KCNK12: variants seen among roughly 807,000 people sequenced by gnomAD.
KCNK12 encodes the protein potassium channel subfamily K member 12.
KCNK12 carries 6 observed loss-of-function variants against 25.3 expected under a neutral mutation model. The ratio of observed to expected loss-of-function variants is 0.24; its 90% CI spans 0.13 to 0.47. The LOEUF (loss-of-function observed/expected upper bound fraction) is 0.47, where lower values mean the gene tolerates loss of function less well. Ranked by LOEUF, KCNK12 falls within the 20% of genes least tolerant of loss-of-function variation. KCNK12 has a pLI of 0.99. For synonymous variants in KCNK12, 331 were observed against 311.1 expected, an observed-to-expected ratio of 1.06 and a Z score of -0.67; for missense variants, 444 against 661.7, an observed-to-expected ratio of 0.67 and a Z score of 3.61.
intron 1 of KCNK12, among the ~76,000 whole-genome samples, chr2:47,561,014 A>C (rs968699831): frequency 2.0e-5 from 3 of 152,152 alleles, no homozygotes; most frequent in African/African-American, 7.2e-5. Context: ...ACATGGGGCT[A>C]TTTGCTGCAG....
rs1191165944 is a variant in KCNK12 at position 47,551,990 on chromosome 2, T to C, written c.391+17951A>G. 6.6e-6 allele frequency among the ~76,000 whole-genome samples: 1 copy of C among 152,090 alleles called. No individual in the cohort carries two copies. Among genetic ancestry groups the C allele is most frequent in the Non-Finnish European group, 1.5e-5 (1 of 68,018 alleles). On this transcript the variant is annotated intron_variant, in intron 1 of 1. Transcript: ENST00000327876. The surrounding 1 kb of genome is among the most constrained non-coding windows in gnomAD (Gnocchi z 5.3). ...GCCTGCATCACCTCCTTCCTTCTTG[T>C]TTGGCCCTGGGGACGACCGGTGGTG... is the stretch of plus-strand genomic sequence containing the variant.
chr2:47,544,559 T>C (rs1288093003), intron 1 of KCNK12, among the ~76,000 whole-genome samples: 1 of 152,270 alleles, frequency 6.6e-6, no homozygotes, highest in East Asian at 1.9e-4. Flanking sequence ...TATAATTTCA[T>C]GGGATTTGTT....
intron 1 of KCNK12, among the ~76,000 whole-genome samples, chr2:47,527,156 C>T (rs559245038): frequency 6.6e-6 from 1 of 152,338 alleles, no homozygotes; most frequent in East Asian, 1.9e-4. Flanking sequence ...ACCAAGGAAG[C>T]TCCATTTTTC....
rs954270797 is a variant in KCNK12 at position 47,533,890 on chromosome 2, A to G, written c.392-12082T>C. ...GGCGTGGGGTGGGAGCATCCAGTGC[A>G]CCCCTCTTGCATTGGGTGCGCAGTG... is the stretch of plus-strand genomic sequence containing the variant. On this transcript the variant is annotated intron_variant, in intron 1 of 1. Transcript: ENST00000327876. This position sits in a 1 kb window ranked among gnomAD's most constrained non-coding sequence, Gnocchi z 4.7. Among the ~76,000 whole-genome samples, 47 of 151,960 alleles carry G rather than the reference A, an allele frequency of 3.1e-4. No individual in the cohort carries two copies. The highest frequency in any genetic ancestry group is 2.6e-3 in the Admixed American group (40 of 15,256).
At chr2:47,537,328 TTTTC>T (rs1484804950) in intron 1 of KCNK12, among the ~76,000 whole-genome samples, 6 of 145,178 alleles carry the variant, frequency 4.1e-5, no homozygotes, top group East Asian at 2.2e-4. Context: ...AAATGGGTGA[TTTTC>T]TTTCTTTTTT....
Position 47,518,917 on chromosome 2 carries a change from T to A in KCNK12, c.*1990A>T, listed in dbSNP as rs1668584630. The A allele has an allele frequency of 6.6e-6, 1 of 152,260 alleles. No homozygotes were observed. The highest frequency in any genetic ancestry group is 6.5e-5 in the Admixed American group (1 of 15,292). 9.4% of individuals were successfully genotyped at this position (152,260 alleles called of 1,614,324 possible). ...AAATGTGGATTTTATTTCCAGGTCC[T>A]GTCAGAGGGCCCTGCCCTAGAGAAC... On this transcript the variant is annotated 3_prime_UTR_variant, in exon 2 of 2. Transcript: ENST00000327876. This position sits in a 1 kb window ranked among gnomAD's most constrained non-coding sequence, Gnocchi z 4.1.
intron 1 of KCNK12, among the ~76,000 whole-genome samples, chr2:47,539,852 T>C (rs983652533): frequency 1.3e-5 from 2 of 152,202 alleles, no homozygotes; most frequent in African/African-American, 4.8e-5. Flanking sequence ...CATCCACAGC[T>C]GAAGTGCTCA....
At chr2:47,534,519 C>CCT (rs1553378766) in intron 1 of KCNK12, among the ~76,000 whole-genome samples, 1 of 120,290 alleles carries the variant, frequency 8.3e-6, no homozygotes, top group African/African-American at 3.1e-5. Context: ...CTTCTAACCC[C>CCT]CCCCCCCGCC....
In KCNK12 at chr2:47,515,161, G is replaced by A. The variant is rs1668491037; in HGVS notation, c.*5746C>T. Among the ~76,000 whole-genome samples the A allele has an allele frequency of 6.6e-6, 1 of 152,192 alleles. No homozygotes were observed. The highest frequency in any genetic ancestry group is 2.4e-5 in the African/African-American group (1 of 41,448). On this transcript the variant is annotated 3_prime_UTR_variant, in exon 2 of 2. Coordinates refer to ENST00000327876, the MANE Select transcript of KCNK12 (RefSeq NM_022055.2). The stretch of plus-strand genomic sequence containing the variant: ...GACCCCAACAGAGAGGAGAGCTGAT[G>A]GGTGACGAGAAATCAGGCCTCTCCG...
Position 47,521,570 on chromosome 2 carries a change from C to T in KCNK12, c.630G>A (p.Lys210=). The change falls in exon 2 of 2, where the codon AAG becomes AAA. Residue 210 remains lysine (K), a synonymous_variant. Transcript: ENST00000327876. ...LSEADSLAGW[K]PSVYHVLLIL... ...TGAGCAGCACGTGGTACACCGAGGG[C>T]TTCCAGCCCGCCAGGCTGTCGGCCT... 17 of 1,558,574 alleles carry T rather than the reference C, an allele frequency of 1.1e-5. No homozygotes were observed. The highest frequency in any genetic ancestry group is 1.5e-5 in the Non-Finnish European group (17 of 1,151,216).
chr2:47,569,767 G>GGAGA lies in KCNK12; in HGVS notation c.391+170_391+173dup, dbSNP rs148051783. Among the ~76,000 whole-genome samples the GGAGA allele has an allele frequency of 3.3e-5, 5 of 151,432 alleles. No individual in the cohort carries two copies. Among genetic ancestry groups the GGAGA allele is most frequent in the Non-Finnish European group, 7.4e-5 (5 of 67,722 alleles). On this transcript the variant is annotated intron_variant, in intron 1 of 1. Coordinates refer to ENST00000327876, the MANE Select transcript of KCNK12 (RefSeq NM_022055.2). This position sits in a 1 kb window ranked among gnomAD's most constrained non-coding sequence, Gnocchi z 4.1. Reference sequence around the variant, plus strand: ...TTCTTCCCTCACTGAAAGCCGGGAGGGAGAGAGAGAGAGAGAACGGGGGCC... The same window carrying GGAGA: ...TTCTTCCCTCACTGAAAGCCGGGAGGGAGAGAGAGAGAGAGAGAGAACGGGGGCC...
rs1294723701 is a variant in KCNK12, at chr2:47,555,861, C to G, written c.391+14080G>C. On this transcript the variant is annotated intron_variant, in intron 1 of 1. Coordinates refer to ENST00000327876, the MANE Select transcript of KCNK12 (RefSeq NM_022055.2). This position sits in a 1 kb window ranked among gnomAD's most constrained non-coding sequence, Gnocchi z 4.5. ...GAAAGCAGCCAGTGAGGATCAAGGA[C>G]AGCATGATGTTCTGGAAGCCAAGAG... is the stretch of plus-strand genomic sequence containing the variant. 1.3e-5 allele frequency: 2 copies of G among 152,220 alleles called. No individual in the cohort carries two copies. Among genetic ancestry groups the G allele is most frequent in the Non-Finnish European group, 2.9e-5 (2 of 68,092 alleles). 9.4% of individuals were successfully genotyped at this position (152,220 alleles called of 1,614,324 possible).
intron 1 of KCNK12, among the ~76,000 whole-genome samples, chr2:47,550,608 C>G (rs1572602700): frequency 6.6e-6 from 1 of 151,924 alleles, no homozygotes; most frequent in African/African-American, 2.4e-5. Context: ...GTCTCAAACT[C>G]CTGACCTCAA....
intron 1 of KCNK12, among the ~76,000 whole-genome samples, chr2:47,532,983 C>T (rs1668968625): frequency 6.6e-6 from 1 of 152,142 alleles, no homozygotes; most frequent in Non-Finnish European, 1.5e-5. Flanking sequence ...GCTTCTCCCT[C>T]TAAAAATGGC....
intron 1 of KCNK12, among the ~76,000 whole-genome samples, chr2:47,537,909 G>A (rs1379481534): frequency 1.3e-5 from 2 of 152,204 alleles, no homozygotes; most frequent in African/African-American, 4.8e-5. Context: ...ACTGAGTAGT[G>A]AAGATGCCTT....
Position 47,547,700 on chromosome 2 carries a change from C to T in KCNK12, c.391+22241G>A, listed in dbSNP as rs796870738. ...GCAACCTCTGCCTCCCTGTTTCAAG[C>T]GAGTCTCCTGCCTCAGCCTCCCAAA... On this transcript the variant is annotated intron_variant, in intron 1 of 1. Coordinates refer to ENST00000327876, the MANE Select transcript of KCNK12 (RefSeq NM_022055.2). This position sits in a 1 kb window ranked among gnomAD's most constrained non-coding sequence, Gnocchi z 5.0. Among the ~76,000 whole-genome samples, 7 of 152,260 alleles carry T rather than the reference C, an allele frequency of 4.6e-5. 1 individual carries two copies. Among genetic ancestry groups the T allele is most frequent in the African/African-American group, 1.4e-4 (6 of 41,556 alleles).
Position 47,533,001 on chromosome 2 carries a change from C to CTCCCT in KCNK12, c.392-11194_392-11193insAGGGA, listed in dbSNP as rs1668969407. On this transcript the variant is annotated intron_variant, in intron 1 of 1. Transcript: ENST00000327876. The surrounding 1 kb of genome is among the most constrained non-coding windows in gnomAD (Gnocchi z 4.7). ...TCTCCCTCTAAAAATGGCCCAATGCCCTACTTATTTATTTATTTTTTATTT... is the reference window on the plus strand; with the variant it reads ...TCTCCCTCTAAAAATGGCCCAATGCCTCCCTCTACTTATTTATTTATTTTTTATTT... Among the ~76,000 whole-genome samples the CTCCCT allele has an allele frequency of 1.3e-5, 2 of 151,998 alleles. No homozygotes were observed. The highest frequency in any genetic ancestry group is 4.8e-5 in the African/African-American group (2 of 41,380).
rs913810302 is a variant in KCNK12, at chr2:47,520,922, G to A, written c.1278C>T (p.Thr426=). Residue 426 remains threonine (T), a synonymous_variant, in exon 2 of 2, where the codon ACC becomes ACT. Transcript: ENST00000327876. This position sits in a 1 kb window ranked among gnomAD's most constrained non-coding sequence, Gnocchi z 5.0. ...LGIMNNRLAE[T]SASR Reference sequence around the variant, plus strand: ...GACGGGCGGTCTACCTGGAGGCGCTGGTCTCGGCCAGCCGGTTGTTCATGA... The same window carrying A: ...GACGGGCGGTCTACCTGGAGGCGCTAGTCTCGGCCAGCCGGTTGTTCATGA... 93 of 1,261,280 alleles carry A rather than the reference G, an allele frequency of 7.4e-5. No individual in the cohort carries two copies. Among genetic ancestry groups the A allele is most frequent in the Non-Finnish European group, 8.9e-5 (89 of 1,002,502 alleles). The allele number at this position is 1,261,280 out of a possible 1,614,324, so 78.1% of individuals were successfully genotyped here. A position where few individuals can be genotyped will look rare whatever the true frequency, so the allele number is the denominator to read the frequency against.
intron 1 of KCNK12, among the ~76,000 whole-genome samples, chr2:47,530,494 G>A (rs1668896090): frequency 6.6e-6 from 1 of 152,158 alleles, no homozygotes; most frequent in Admixed American, 6.5e-5. Flanking sequence ...AGCTGGAGAA[G>A]TCACTACTGA....
Sources: allele counts gnomAD v4.1 joint callset (sites outside exome capture counted in the v4.1 genomes callset), GRCh38; gene constraint gnomAD v4.1.1; non-coding constraint Gnocchi (gnomAD v3.1); transcripts MANE v1.5; gene names NCBI Gene and HGNC (gene_info 2026-07-23, HGNC 2026-07-21).